ETS1: variants seen among roughly 807,000 people sequenced by gnomAD.
ETS1 encodes protein C-ets-1.
ETS1 carries 15 observed loss-of-function variants against 58.6 expected under a neutral mutation model. The observed-to-expected ratio is 0.26, with a 90% CI of 0.17 to 0.39. The LOEUF (loss-of-function observed/expected upper bound fraction) is 0.39. Among genes scored for constraint, ETS1 ranks in the 10% least tolerant of loss-of-function variants. The pLI, the probability that ETS1 is intolerant of heterozygous loss-of-function variation, is 1.00. For synonymous variants in ETS1, 214 were observed against 218.2 expected (o/e 0.98, Z 0.17); for missense variants, 417 against 610.5 (o/e 0.68, Z 3.34).
intron 3 of ETS1, among the ~76,000 whole-genome samples, chr11:128,491,424 T>C (rs968548427): frequency 2.9e-4 from 44 of 152,180 alleles, no homozygotes; most frequent in African/African-American, 1.0e-3. Flanking sequence ...AACGTTAATG[T>C]GCAACAGGAA....
At chr11:128,583,993 A>C (rs1213583275) in intron 1 of ETS1, among the ~76,000 whole-genome samples, 1 of 152,110 alleles carries the variant, frequency 6.6e-6, no homozygotes. Context: ...TAATAATTAT[A>C]TTGTCTTTCA....
intron 3 of ETS1, chr11:128,529,103 T>C (rs1863853664): frequency 6.6e-6 from 1 of 152,208 alleles, no homozygotes; most frequent in Non-Finnish European, 1.5e-5. Flanking sequence ...GTACAACTGC[T>C]ATATACATTA....
intron 1 of ETS1, among the ~76,000 whole-genome samples, chr11:128,585,158 A>AAG (rs1257917354): frequency 6.7e-4 from 33 of 49,612 alleles, no homozygotes; most frequent in Admixed American, 1.2e-3. Context: ...GAAAGAAAGA[A>AAG]AGAAAGAAAG....
At chr11:128,470,229 G>C (rs1862148438) in intron 8 of ETS1, among the ~76,000 whole-genome samples, 1 of 152,140 alleles carries the variant, frequency 6.6e-6, no homozygotes, top group African/African-American at 2.4e-5. Flanking sequence ...AAAAACGAAA[G>C]GAGGAGGAGT....
In ETS1 at chr11:128,463,371, C is replaced by A; in HGVS notation, c.1242+138G>T. On this transcript the variant is annotated intron_variant, in intron 9 of 9. Transcript: ENST00000392668. This position sits in a 1 kb window ranked among gnomAD's most constrained non-coding sequence, Gnocchi z 4.1. ...ATGAACCTGGAGCTCAGACAGGCTACCTAGCTTGCTCCGGGTGGCAAGTGG... is the reference window on the plus strand; with the variant it reads ...ATGAACCTGGAGCTCAGACAGGCTAACTAGCTTGCTCCGGGTGGCAAGTGG... 1 of 650,870 alleles carries A rather than the reference C, an allele frequency of 1.5e-6. No individual in the cohort carries two copies. 40.3% of individuals were successfully genotyped at this position (650,870 alleles called of 1,614,324 possible). A position where few individuals can be genotyped will look rare whatever the true frequency, so the allele number is the denominator to read the frequency against.
At chr11:128,576,250 G>T (rs1346798105) in intron 1 of ETS1, among the ~76,000 whole-genome samples, 8 of 152,138 alleles carry the variant, frequency 5.3e-5, no homozygotes, top group Non-Finnish European at 8.8e-5. Flanking sequence ...AAAAGAACCC[G>T]CCCTTTTTCC....
At chr11:128,508,537 G>A (rs1278062527) in intron 3 of ETS1, among the ~76,000 whole-genome samples, 1 of 152,194 alleles carries the variant, frequency 6.6e-6, no homozygotes, top group East Asian at 1.9e-4. Context: ...AAGGGACGCT[G>A]TGTGATTCAG....
chr11:128,555,539 T>C (rs1025893963), intron 3 of ETS1, among the ~76,000 whole-genome samples: 1 of 152,198 alleles, frequency 6.6e-6, no homozygotes, highest in Non-Finnish European at 1.5e-5. Flanking sequence ...CATGGTCTCA[T>C]GTGAAAGTGA....
chr11:128,524,757 GAACT>G (rs754954849), intron 3 of ETS1, among the ~76,000 whole-genome samples: 24 of 152,180 alleles, frequency 1.6e-4, no homozygotes, highest in Admixed American at 3.9e-4. Flanking sequence ...GTTGAATGAT[GAACT>G]ATCAACTTTT....
At chr11:128,576,873 T>A (rs1864761828) in intron 1 of ETS1, among the ~76,000 whole-genome samples, 1 of 152,176 alleles carries the variant, frequency 6.6e-6, no homozygotes, top group African/African-American at 2.4e-5. Flanking sequence ...CTCAGGGTTT[T>A]AGGCTCAGCT....
chr11:128,539,315 G>A (rs12364200), intron 3 of ETS1, among the ~76,000 whole-genome samples: 2 of 152,142 alleles, frequency 1.3e-5, no homozygotes, highest in Non-Finnish European at 2.9e-5. Flanking sequence ...ATAAGGGCTT[G>A]TATTCAGAAT....
chr11:128,491,649 A>T (rs1862803601), intron 3 of ETS1, among the ~76,000 whole-genome samples: 1 of 152,256 alleles, frequency 6.6e-6, no homozygotes. Flanking sequence ...AGAGTGATTT[A>T]GGGGTGAGTA....
intron 3 of ETS1, among the ~76,000 whole-genome samples, chr11:128,505,805 G>A (rs1308033792): frequency 6.6e-6 from 1 of 152,218 alleles, no homozygotes; most frequent in East Asian, 1.9e-4. Context: ...CTCATCCGCT[G>A]CTAATAAATG....
intron 1 of ETS1, among the ~76,000 whole-genome samples, chr11:128,583,167 G>A (rs760293946): frequency 2.6e-5 from 4 of 152,160 alleles, no homozygotes; most frequent in Admixed American, 6.5e-5. Context: ...GCAAGGCAGC[G>A]CTGGACTAAC....
chr11:128,476,915 C>A (rs1292734356), intron 8 of ETS1, among the ~76,000 whole-genome samples: 1 of 152,208 alleles, frequency 6.6e-6, no homozygotes, highest in Non-Finnish European at 1.5e-5. Flanking sequence ...ACGTTATCTG[C>A]CCCCGCATCT....
chr11:128,568,781 T>C (rs1468293028), intron 2 of ETS1, among the ~76,000 whole-genome samples: 1 of 151,766 alleles, frequency 6.6e-6, no homozygotes, highest in African/African-American at 2.4e-5. Context: ...ATAACGTTAA[T>C]GTGACCTCTA....
At chr11:128,486,850 C>T (rs957608813) in intron 5 of ETS1, among the ~76,000 whole-genome samples, 9 of 152,202 alleles carry the variant, frequency 5.9e-5, no homozygotes, top group Non-Finnish European at 8.8e-5. Context: ...CTGCAGTAAG[C>T]CTGGGATCCT....
intron 3 of ETS1, among the ~76,000 whole-genome samples, chr11:128,541,749 C>T (rs1360923981): frequency 6.6e-6 from 1 of 152,196 alleles, no homozygotes; most frequent in Non-Finnish European, 1.5e-5. Flanking sequence ...TTTAGGCACT[C>T]TGCTAGGTAC....
chr11:128,523,003 G>A (rs932374466), intron 3 of ETS1, among the ~76,000 whole-genome samples: 6 of 146,214 alleles, frequency 4.1e-5, no homozygotes, highest in Non-Finnish European at 7.8e-5. Context: ...ACCCAGCCAT[G>A]AGCTTCCGTA....
Sources: allele counts gnomAD v4.1 joint callset (sites outside exome capture counted in the v4.1 genomes callset), GRCh38; gene constraint gnomAD v4.1.1; non-coding constraint Gnocchi (gnomAD v3.1); transcripts MANE v1.5; gene names NCBI Gene and HGNC (gene_info 2026-07-23, HGNC 2026-07-21).